GEN1: variants seen among roughly 807,000 people sequenced by gnomAD.
The protein encoded by GEN1 is GEN1 structure-specific endonuclease.
A neutral mutation model predicts 67.6 loss-of-function variants in GEN1; 64 were observed. The ratio of observed to expected loss-of-function variants is 0.95; its 90% CI spans 0.77 to 1.17. The LOEUF is 1.17. GEN1 is among the 50% of genes most tolerant of loss of function. GEN1 has a pLI of 0.00. For synonymous variants in GEN1, 371 were observed against 359.4 expected (o/e 1.03, Z -0.37); for missense variants, 1,058 against 1,048.3 (o/e 1.01, Z -0.13).
intron 11 of GEN1, among the ~76,000 whole-genome samples, chr2:17,776,565 T>C (rs1672443983): frequency 6.6e-6 from 1 of 152,188 alleles, no homozygotes; most frequent in South Asian, 2.1e-4. Flanking sequence ...TATGTGAGTA[T>C]TCATTGTACT....
intron 1 of GEN1, among the ~76,000 whole-genome samples, chr2:17,757,865 T>A (rs772604594): frequency 6.6e-6 from 1 of 152,222 alleles, no homozygotes; most frequent in African/African-American, 2.4e-5. Context: ...ATTTTTTAAC[T>A]TTTTTCTAAT....
At chr2:17,766,412 C>T (rs1218739362) in intron 4 of GEN1, among the ~76,000 whole-genome samples, 167 bp from the exon 5 acceptor site, 5 of 152,170 alleles carry the variant, frequency 3.3e-5, no homozygotes, top group African/African-American at 7.2e-5. Context: ...TCAAGTGATA[C>T]ACCCACCTTG....
At chr2:17,772,117 C>T (rs915849490) in intron 7 of GEN1, among the ~76,000 whole-genome samples, 2 of 151,912 alleles carry the variant, frequency 1.3e-5, no homozygotes, top group African/African-American at 4.8e-5. Context: ...TTTCCACACC[C>T]GTGCCACAGT....
intron 3 of GEN1, among the ~76,000 whole-genome samples, chr2:17,762,458 C>T (rs542436620): frequency 3.9e-4 from 60 of 152,116 alleles, no homozygotes; most frequent in African/African-American, 1.3e-3. Context: ...CCGCCTGCCT[C>T]GGCCTCCTGA....
chr2:17,755,165 A>G (rs992180739), intron 1 of GEN1: 7 of 152,262 alleles, frequency 4.6e-5, no homozygotes, highest in Non-Finnish European at 8.8e-5. Flanking sequence ...AACGAAAAAT[A>G]TGACATAGTC....
Position 17,781,315 on chromosome 2 carries a change from T to TA in GEN1, c.2104dup (p.Ser702LysfsTer9). The TA allele has an allele frequency of 1.2e-6, 2 of 1,613,724 alleles. No homozygotes were observed. Among genetic ancestry groups the TA allele is most frequent in the Non-Finnish European group, 1.7e-6 (2 of 1,179,686 alleles). On this transcript the variant is annotated frameshift_variant, in exon 14 of 14. Transcript: ENST00000381254. LOFTEE classifies it low-confidence loss of function (END_TRUNC). ...TCAACCTGAAAACTTTGTCCATACT[T>TA]AGTGTAAAAGAATCTTGTATTGCTA...
intron 11 of GEN1, among the ~76,000 whole-genome samples, chr2:17,774,854 G>A (rs1488655861): frequency 6.6e-6 from 1 of 151,826 alleles, no homozygotes; most frequent in Non-Finnish European, 1.5e-5. Context: ...CCAGTAGCTA[G>A]GGTGGAATTT....
intron 3 of GEN1, among the ~76,000 whole-genome samples, chr2:17,763,347 G>C (rs922519985): frequency 6.6e-6 from 1 of 152,098 alleles, no homozygotes; most frequent in Admixed American, 6.6e-5. Context: ...CAATCTTAGA[G>C]TGTTAAAGAA....
intron 2 of GEN1, among the ~76,000 whole-genome samples, chr2:17,760,959 A>G (rs1232247937): frequency 1.3e-5 from 2 of 150,012 alleles, no homozygotes; most frequent in African/African-American, 2.5e-5. Flanking sequence ...GGCCGGGCAC[A>G]GTGGCTCACA....
chr2:17,771,841 T>G (rs1672204824), intron 7 of GEN1, among the ~76,000 whole-genome samples: 1 of 151,638 alleles, frequency 6.6e-6, no homozygotes, highest in African/African-American at 2.4e-5. Context: ...GGCCTTTCAT[T>G]CCCAAAAGAG....
rs1475329878 is a variant in GEN1 at position 17,769,732 on chromosome 2, TAAC to T, written c.710+924_710+926del. ...AACAAGATGCAGATTATATAGAAGT[TAAC>T]AAACTATGCTATTTACTATCTCAAA... On this transcript the variant is annotated intron_variant, in intron 6 of 13. Coordinates refer to ENST00000381254, the MANE Select transcript of GEN1 (RefSeq NM_001130009.3). 2.6e-5 allele frequency among the ~76,000 whole-genome samples: 4 copies of T among 152,172 alleles called. No individual in the cohort carries two copies. In the East Asian group the frequency reaches 7.7e-4, roughly 29 times the overall value.
At chr2:17,755,616 C>T (rs896728179) in intron 1 of GEN1, 1 of 152,124 alleles carries the variant, frequency 6.6e-6, no homozygotes, top group African/African-American at 2.4e-5. Flanking sequence ...ATTTACCAGT[C>T]TTTATATGAA....
intron 5 of GEN1, 33 bp downstream of exon 5, chr2:17,766,722 C>A: frequency 8.3e-7 from 1 of 1,203,760 alleles, no homozygotes; most frequent in South Asian, 1.2e-5. Context: ...ATTTGCTATT[C>A]ATAAAGTCTT....
Position 17,759,821 on chromosome 2 carries a change from A to G in GEN1, c.-15-108A>G, listed in dbSNP as rs527906661. The stretch of plus-strand genomic sequence containing the variant: ...CGCTGACTGATGAAAAAAATAAGGA[A>G]TATCCTCTATGAATTATCCTGAACT... On this transcript the variant is annotated intron_variant, in intron 1 of 13. Transcript: ENST00000381254. 1.0e-4 allele frequency: 94 copies of G among 899,188 alleles called. No individual in the cohort carries two copies. In the African/African-American group the frequency reaches 1.5e-3, roughly 15 times the overall value. 55.7% of individuals were successfully genotyped at this position (899,188 alleles called of 1,614,324 possible). A position where few individuals can be genotyped will look rare whatever the true frequency, so the allele number is the denominator to read the frequency against.
chr2:17,786,400 A>C lies in GEN1; in HGVS notation c.*4461A>C, dbSNP rs1190471281. On this transcript the variant is annotated 3_prime_UTR_variant, in exon 14 of 14. Coordinates refer to ENST00000381254, the MANE Select transcript of GEN1 (RefSeq NM_001130009.3). ...GATTAGCATCACACAAGGGATCCTA[A>C]CGTGGCATTTGAGCTACTGGAAAAA... 2.0e-5 allele frequency: 3 copies of C among 152,220 alleles called. No individual in the cohort carries two copies. The highest frequency in any genetic ancestry group is 7.2e-5 in the African/African-American group (3 of 41,448). 9.4% of individuals were successfully genotyped at this position (152,220 alleles called of 1,614,324 possible).
rs1232907050 is a variant in GEN1, at chr2:17,774,484, G to A, written c.1202+83G>A. 35 of 1,198,968 alleles carry A rather than the reference G, an allele frequency of 2.9e-5. No individual in the cohort carries two copies. The South Asian group carries it at 3.5e-4, about 12-fold the overall frequency. 74.3% of individuals were successfully genotyped at this position (1,198,968 alleles called of 1,614,324 possible). A position where few individuals can be genotyped will look rare whatever the true frequency, so the allele number is the denominator to read the frequency against. On this transcript the variant is annotated intron_variant, in intron 11 of 13. Transcript: ENST00000381254. ...AAATATTCCTAATATCTTTAAGCTC[G>A]TTTTTGTAAAGGTGGAGGAAAGGCC... is the stretch of plus-strand genomic sequence containing the variant.
chr2:17,778,169 T>C (rs1232336587), intron 12 of GEN1, 106 bp downstream of exon 12: 1 of 477,678 alleles, frequency 2.1e-6, no homozygotes, highest in Non-Finnish European at 3.8e-6. Flanking sequence ...CACACATAGA[T>C]ATGTGTATAT....
rs1420680183 is a variant in GEN1 at position 17,782,824 on chromosome 2, T to G, written c.*885T>G. 1 of 152,214 alleles carries G rather than the reference T, an allele frequency of 6.6e-6. No individual in the cohort carries two copies. Among genetic ancestry groups the G allele is most frequent in the African/African-American group, 2.4e-5 (1 of 41,464 alleles). The allele number at this position is 152,214 out of a possible 1,614,324, so 9.4% of individuals were successfully genotyped here. On this transcript the variant is annotated 3_prime_UTR_variant, in exon 14 of 14. Coordinates refer to ENST00000381254, the MANE Select transcript of GEN1 (RefSeq NM_001130009.3). ...ACTTTTCCCCCTTTTGTTTTGAATCTATGCAATATTGACTTTAATACCACC... is the reference window on the plus strand; with the variant it reads ...ACTTTTCCCCCTTTTGTTTTGAATCGATGCAATATTGACTTTAATACCACC...
rs34822778 is a variant in GEN1 at position 17,778,323 on chromosome 2, C to CGTGTGT, written c.1264+264_1264+265insGTGTGT. ...GTACATATATGTATATACACACACA[C>CGTGTGT]GTGTACATATATGTATACACACACA... is the stretch of plus-strand genomic sequence containing the variant. On this transcript the variant is annotated intron_variant, in intron 12 of 13. Transcript: ENST00000381254. Among the ~76,000 whole-genome samples, 102 of 30,876 alleles carry CGTGTGT rather than the reference C, an allele frequency of 3.3e-3. 8 individuals are homozygous for CGTGTGT. The highest frequency in any genetic ancestry group is 4.9e-3 in the African/African-American group (46 of 9,360). The allele number at this position is 30,876 out of a possible 152,430, so 20.3% of individuals were successfully genotyped here.
Sources: allele counts gnomAD v4.1 joint callset (sites outside exome capture counted in the v4.1 genomes callset), GRCh38; gene constraint gnomAD v4.1.1; transcripts MANE v1.5; gene names NCBI Gene and HGNC (gene_info 2026-07-23, HGNC 2026-07-21).